ENKUR: variants seen among roughly 807,000 people sequenced by gnomAD.
ENKUR encodes the protein enkurin.
In ENKUR, 19 loss-of-function variants were observed where a neutral mutation model predicts 27.6. The ratio of observed to expected loss-of-function variants is 0.69; its 90% CI spans 0.48 to 1.01. The LOEUF is 1.01. Among genes scored for constraint, ENKUR ranks in the 50% least tolerant of loss-of-function variants. The probability of loss-of-function intolerance (pLI) is 0.00; values close to 1 mark genes in which losing one functional copy is unlikely to be tolerated. For synonymous variants in ENKUR, 117 were observed against 96.9 expected, an observed-to-expected ratio of 1.21 and a Z score of -1.22; for missense variants, 312 against 310.5, an observed-to-expected ratio of 1.00 and a Z score of -0.04.
chr10:25,060,059 C>G (rs578025991), intron 2 of ENKUR, among the ~76,000 whole-genome samples: 1 of 152,220 alleles, frequency 6.6e-6, no homozygotes, highest in Admixed American at 6.5e-5. Flanking sequence ...TATATGCAAC[C>G]CTTTTATCTG....
chr10:25,032,316 G>T (rs572175712), intron 2 of ENKUR, among the ~76,000 whole-genome samples: 8 of 148,162 alleles, frequency 5.4e-5, no homozygotes, highest in South Asian at 2.2e-4. Context: ...AGTAAAGAAG[G>T]GGGGGGGGCT....
At chr10:25,036,495 G>A (rs142112196) in intron 2 of ENKUR, among the ~76,000 whole-genome samples, 1 of 152,252 alleles carries the variant, frequency 6.6e-6, no homozygotes, top group African/African-American at 2.4e-5. Context: ...TGTTTTTAAA[G>A]TATTTGTTCC....
At chr10:25,055,988 C>T (rs1851251528) in intron 2 of ENKUR, among the ~76,000 whole-genome samples, 1 of 152,192 alleles carries the variant, frequency 6.6e-6, no homozygotes, top group Non-Finnish European at 1.5e-5. Context: ...GAATGTTGCA[C>T]CATTATCATT....
intron 1 of ENKUR, among the ~76,000 whole-genome samples, chr10:25,002,730 G>GC (rs1231601185): frequency 3.3e-5 from 5 of 151,890 alleles, no homozygotes; most frequent in Non-Finnish European, 7.4e-5. Flanking sequence ...AAACATTATT[G>GC]TTTTTTTCCT....
In ENKUR at chr10:25,024,036, G is replaced by A. The variant is rs764828926; in HGVS notation, c.38-28167C>T. 9 of 1,614,198 alleles carry A rather than the reference G, an allele frequency of 5.6e-6. No individual in the cohort carries two copies. The East Asian group carries it at 1.3e-4, about 24-fold the overall frequency. On this transcript the variant is annotated intron_variant, in intron 2 of 5. Transcript: ENST00000615958. The stretch of plus-strand genomic sequence containing the variant: ...GTGGCCTCTTTGTTCCTGCAAAGGA[G>A]TTTCCAAAATTAAGCTGCGGGGAGT...
intron 4 of ENKUR, among the ~76,000 whole-genome samples, chr10:24,987,756 T>G (rs1345815634): frequency 6.6e-6 from 1 of 152,164 alleles, no homozygotes; most frequent in Non-Finnish European, 1.5e-5. Context: ...TAAATGAGTT[T>G]TAGTCCCTAT....
chr10:25,059,236 G>A (rs1160363744), intron 2 of ENKUR, among the ~76,000 whole-genome samples: 6 of 149,820 alleles, frequency 4.0e-5, no homozygotes, highest in Middle Eastern at 3.4e-3. Flanking sequence ...AGGTTCAAGC[G>A]ATTCTCTTGC....
intron 2 of ENKUR, among the ~76,000 whole-genome samples, chr10:25,044,350 G>T (rs1265501540): frequency 6.6e-6 from 1 of 152,126 alleles, no homozygotes; most frequent in African/African-American, 2.4e-5. Context: ...CTGGGATGTA[G>T]ATTTTAGTCC....
At chr10:25,031,460 A>G (rs1850934420) in intron 2 of ENKUR, among the ~76,000 whole-genome samples, 1 of 152,222 alleles carries the variant, frequency 6.6e-6, no homozygotes, top group African/African-American at 2.4e-5. Context: ...TGAGTGTAGC[A>G]AAAGAGCAGA....
chr10:25,018,025 T>A (rs1219897971), upstream of ENKUR, among the ~76,000 whole-genome samples: 1 of 152,182 alleles, frequency 6.6e-6, no homozygotes, highest in East Asian at 1.9e-4. Flanking sequence ...AAAACATGAT[T>A]TCTGCAGTTA....
intron 2 of ENKUR, among the ~76,000 whole-genome samples, chr10:25,028,898 T>C (rs1312510899): frequency 6.6e-6 from 1 of 152,236 alleles, no homozygotes; most frequent in African/African-American, 2.4e-5. Flanking sequence ...CATTGTTTAG[T>C]TCTGACTCTT....
intron 2 of ENKUR, among the ~76,000 whole-genome samples, chr10:25,035,342 G>T (rs908444378): frequency 6.6e-6 from 1 of 152,162 alleles, no homozygotes; most frequent in East Asian, 1.9e-4. Context: ...ATCACCTGAG[G>T]TCAGGAGTTC....
chr10:24,985,093 A>G (rs983469051), intron 4 of ENKUR, among the ~76,000 whole-genome samples, 188 bp from the exon 5 acceptor site: 7 of 152,192 alleles, frequency 4.6e-5, no homozygotes, highest in African/African-American at 1.7e-4. Context: ...GCCAAATCCC[A>G]TCCTTGACTG....
chr10:25,002,841 C>T (rs1406989588), intron 1 of ENKUR, among the ~76,000 whole-genome samples: 2 of 151,838 alleles, frequency 1.3e-5, no homozygotes, highest in Admixed American at 6.6e-5. Context: ...ATGTTCAAAC[C>T]AAATCTGTGC....
chr10:25,058,240 C>T (rs1278602309), intron 2 of ENKUR, among the ~76,000 whole-genome samples: 1 of 152,084 alleles, frequency 6.6e-6, no homozygotes, highest in East Asian at 1.9e-4. Context: ...CAGAGTCTCA[C>T]TCTGTCACCC....
At chr10:25,034,104 A>G (rs995362171) in intron 2 of ENKUR, among the ~76,000 whole-genome samples, 2 of 152,146 alleles carry the variant, frequency 1.3e-5, no homozygotes, top group African/African-American at 4.8e-5. Context: ...ATTATGCAAA[A>G]AAAAATGAAA....
intron 1 of ENKUR, 25 bp downstream of exon 1, chr10:25,015,835 T>C: frequency 6.3e-7 from 1 of 1,579,066 alleles, no homozygotes. Context: ...TTGTTTCAAG[T>C]GATAGTCTTT....
intron 1 of ENKUR, among the ~76,000 whole-genome samples, chr10:25,008,062 G>C (rs750909551): frequency 5.5e-4 from 83 of 150,842 alleles, no homozygotes; most frequent in Admixed American, 1.1e-3. Flanking sequence ...CAAAATGTAA[G>C]AGATGAAGAG....
At chr10:25,018,202 GAAA>G (rs1169758000), upstream of ENKUR, among the ~76,000 whole-genome samples, 4 of 152,128 alleles carry the variant, frequency 2.6e-5, no homozygotes, top group African/African-American at 4.8e-5. Context: ...AAATCATTTG[GAAA>G]AAAACTTTTC....
Sources: gnomAD v4.1 joint callset for allele counts (sites outside exome capture counted in the v4.1 genomes callset) on GRCh38, gnomAD v4.1.1 for gene constraint, MANE v1.5 for transcripts, NCBI Gene and HGNC (gene_info 2026-07-23, HGNC 2026-07-21) for gene names.